Variants in ERC1 observed in about 807,000 individuals in gnomAD.
The protein encoded by ERC1 is RAB6 interacting protein 2.
Under a neutral mutation model 132.0 loss-of-function variants are expected in ERC1, and 56 were observed. The observed-to-expected ratio is 0.42, with a 90% CI of 0.34 to 0.53. ERC1 has a LOEUF of 0.53. Among genes scored for constraint, ERC1 ranks in the 20% least tolerant of loss-of-function variants. The pLI, the probability that ERC1 is intolerant of heterozygous loss-of-function variation, is 0.03. For missense variants in ERC1, 1,202 were observed against 1,349.9 expected, an observed-to-expected ratio of 0.89 and a Z score of 1.72; for synonymous variants, 478 against 476.1, an observed-to-expected ratio of 1.00 and a Z score of -0.05.
chr12:1,241,844 CTTCTT>C (rs1296683428), intron 13 of ERC1, among the ~76,000 whole-genome samples: 21 of 98,288 alleles, frequency 2.1e-4, no homozygotes, highest in African/African-American at 7.8e-4. Flanking sequence ...ATTTCTTCTT[CTTCTT>C]TTTTTTTTTT....
intron 8 of ERC1, among the ~76,000 whole-genome samples, chr12:1,162,633 T>C (rs1481604935): frequency 2.0e-5 from 3 of 152,112 alleles, no homozygotes; most frequent in Non-Finnish European, 4.4e-5. Context: ...ACTTTTTCCA[T>C]ATCATAAAAT....
chr12:1,096,718 A>G (rs190111348), intron 3 of ERC1, among the ~76,000 whole-genome samples: 3 of 152,328 alleles, frequency 2.0e-5, no homozygotes, highest in African/African-American at 7.2e-5. Flanking sequence ...TTTTGATACA[A>G]TATGGAATGC....
intron 9 of ERC1, 132 bp downstream of exon 9, chr12:1,180,809 TA>T: frequency 9.2e-7 from 1 of 1,085,314 alleles, no homozygotes; most frequent in Non-Finnish European, 1.3e-6. Context: ...CTGACATACG[TA>T]GTGTGAAGGG....
intron 8 of ERC1, among the ~76,000 whole-genome samples, chr12:1,176,899 A>G (rs902992666): frequency 7.9e-5 from 12 of 152,244 alleles, no homozygotes; most frequent in African/African-American, 2.7e-4. Flanking sequence ...GCACCAACCA[A>G]ATACATTGAA....
chr12:1,386,960 C>T (rs1566740284), intron 16 of ERC1: 1 of 152,034 alleles, frequency 6.6e-6, no homozygotes, highest in Non-Finnish European at 1.5e-5. Context: ...AGGGCACAGC[C>T]TTGAGTCAGA....
At chr12:1,327,511 T>C (rs2082533713) in intron 15 of ERC1, among the ~76,000 whole-genome samples, 1 of 152,196 alleles carries the variant, frequency 6.6e-6, no homozygotes, top group Admixed American at 6.5e-5. Context: ...TTCAGTACTT[T>C]CCTTGGTTTT....
At chr12:1,056,081 TTTTA>T (rs1972898971) in intron 2 of ERC1, among the ~76,000 whole-genome samples, 1 of 139,992 alleles carries the variant, frequency 7.1e-6, no homozygotes, top group Admixed American at 7.0e-5. Flanking sequence ...CTTTTTTTTT[TTTTA>T]AAAAAAAGGT....
chr12:1,255,298 G>A lies in ERC1; in HGVS notation c.2488-7736G>A, dbSNP rs148587800. 2.8e-3 allele frequency among the ~76,000 whole-genome samples: 429 copies of A among 152,220 alleles called. 6 individuals are homozygous for A. Among genetic ancestry groups the A allele is most frequent in the Non-Finnish European group, 8.2e-4 (56 of 68,016 alleles). On this transcript the variant is annotated intron_variant, in intron 13 of 18. Transcript: ENST00000360905. ...GCTTATCCTTCTTTATGGCTGCATA[G>A]TATTCCATGGTATATATGTGCCACA...
intron 15 of ERC1, among the ~76,000 whole-genome samples, chr12:1,295,147 G>A (rs2079817750): frequency 6.6e-6 from 1 of 152,208 alleles, no homozygotes; most frequent in South Asian, 2.1e-4. Flanking sequence ...AAAGCTGAAT[G>A]TGCTTGCAAA....
At chr12:1,267,464 A>G (rs2077550839) in intron 14 of ERC1, among the ~76,000 whole-genome samples, 1 of 152,232 alleles carries the variant, frequency 6.6e-6, no homozygotes, top group African/African-American at 2.4e-5. Flanking sequence ...AGTGATTTAA[A>G]TATCTTCACT....
At chr12:1,188,688 T>C (rs1055452286) in intron 11 of ERC1, among the ~76,000 whole-genome samples, 10 of 152,212 alleles carry the variant, frequency 6.6e-5, no homozygotes, top group African/African-American at 2.4e-4. Flanking sequence ...GTATAGCTGT[T>C]ACTTTCACCA....
intron 18 of ERC1, 118 bp from the exon 19 acceptor site, chr12:1,489,975 T>C: frequency 1.7e-6 from 2 of 1,144,502 alleles, no homozygotes. Context: ...ATGGTTAATT[T>C]TGATGCAGAG....
chr12:1,406,603 TTTTC>T (rs1477913061), intron 16 of ERC1, among the ~76,000 whole-genome samples: 1 of 152,174 alleles, frequency 6.6e-6, no homozygotes, highest in Non-Finnish European at 1.5e-5. Flanking sequence ...TATAGATGAT[TTTTC>T]TTTCTTTTCT....
chr12:1,104,807 A>G lies in ERC1; in HGVS notation c.1144A>G (p.Thr382Ala). The G allele has an allele frequency of 6.2e-7, 1 of 1,611,534 alleles. No homozygotes were observed. The highest frequency in any genetic ancestry group is 8.5e-7 in the Non-Finnish European group (1 of 1,177,648). Reference protein sequence around the residue: ...PDSAKTKALQTVIEMKDSKIS... With the variant: ...PDSAKTKALQAVIEMKDSKIS... ...TTCTGCCAAAACAAAAGCTCTGCAA[A>G]CTGTTATTGAGATGAAGGTAAGTGA... Residue 382 changes from threonine to alanine, a missense_variant, in exon 4 of 19, where the codon ACT becomes GCT. By Grantham distance (58) the Thr-to-Ala change is moderately conservative. Coordinates refer to ENST00000360905, the MANE Select transcript of ERC1 (RefSeq NM_178040.4).
In ERC1 at chr12:1,044,405, A is replaced by C. The variant is rs1970759772; in HGVS notation, c.669+15833A>C. 2.0e-5 allele frequency among the ~76,000 whole-genome samples: 3 copies of C among 152,314 alleles called. No individual in the cohort carries two copies. The South Asian group carries it at 6.2e-4, about 32-fold the overall frequency. ...TGCTTCTGGGAAGGAGAAATACATG[A>C]CTAATGAAGTTCTTTTCAAGGTAGA... On this transcript the variant is annotated intron_variant, in intron 2 of 18. Transcript: ENST00000360905.
intron 7 of ERC1, among the ~76,000 whole-genome samples, chr12:1,123,880 C>T (rs1347697421): frequency 1.3e-5 from 2 of 152,172 alleles, no homozygotes; most frequent in Non-Finnish European, 2.9e-5. Flanking sequence ...CTGTAGTTTT[C>T]AGCTACTTGA....
At chr12:1,336,099 G>A (rs190523575) in intron 15 of ERC1, among the ~76,000 whole-genome samples, 2 of 151,854 alleles carry the variant, frequency 1.3e-5, no homozygotes, top group South Asian at 2.1e-4. Flanking sequence ...CTGTGGGTTC[G>A]GTAATAATAT....
chr12:1,468,151 C>A (rs1364482341), intron 18 of ERC1, among the ~76,000 whole-genome samples: 2 of 152,126 alleles, frequency 1.3e-5, no homozygotes, highest in African/African-American at 4.8e-5. Flanking sequence ...ATACTTACTT[C>A]TAAAAGTAAG....
chr12:1,028,249 A>G lies in ERC1; in HGVS notation c.346A>G (p.Ser116Gly). Residue 116 changes from serine to glycine, a missense_variant, in exon 2 of 19, where the codon AGT (serine) becomes GGT (glycine). Coordinates refer to ENST00000360905, the MANE Select transcript of ERC1 (RefSeq NM_178040.4). ...AMGSSPNIASSGVASDTIAFG... is the reference protein window; with the variant it reads ...AMGSSPNIASGGVASDTIAFG... ...GGGTAGTAGCCCCAATATAGCTAGCAGTGGGGTTGCTAGTGACACCATAGC... is the reference window on the plus strand; with the variant it reads ...GGGTAGTAGCCCCAATATAGCTAGCGGTGGGGTTGCTAGTGACACCATAGC... The G allele has an allele frequency of 1.2e-6, 2 of 1,614,140 alleles. No homozygotes were observed. Among genetic ancestry groups the G allele is most frequent in the Non-Finnish European group, 1.7e-6 (2 of 1,180,034 alleles).
Sources: allele counts gnomAD v4.1 joint callset (sites outside exome capture counted in the v4.1 genomes callset), GRCh38; gene constraint gnomAD v4.1.1; transcripts MANE v1.5; gene names NCBI Gene and HGNC (gene_info 2026-07-23, HGNC 2026-07-21).